The following FBXL13 variants were observed in gnomAD, a reference collection of about 807,000 sequenced individuals.
FBXL13 encodes the protein F-box and leucine rich repeat protein 13, also known as F-box and leucine-rich repeat protein 13.
FBXL13 carries 67 observed loss-of-function variants against 83.6 expected under a neutral mutation model. The observed-to-expected ratio is 0.80, with a 90% CI of 0.66 to 0.98. FBXL13 has a LOEUF of 0.98. Ranked by LOEUF, FBXL13 falls within the 50% of genes least tolerant of loss-of-function variation. FBXL13 has a pLI of 0.00. For synonymous variants in FBXL13, 272 were observed against 299.5 expected (o/e 0.91, Z 0.95); for missense variants, 822 against 866.5 (o/e 0.95, Z 0.64).
intron 2 of FBXL13, among the ~76,000 whole-genome samples, chr7:103,045,154 C>G (rs1439061177): frequency 6.6e-6 from 1 of 152,216 alleles, no homozygotes; most frequent in Admixed American, 6.5e-5. Flanking sequence ...AGGTACACAA[C>G]AGCTGGACTG....
intron 17 of FBXL13, among the ~76,000 whole-genome samples, chr7:102,834,129 AGAAAG>A (rs1475173288): frequency 7.7e-5 from 8 of 104,392 alleles, no homozygotes; most frequent in African/African-American, 3.2e-4. Flanking sequence ...AAAGAAAGAA[AGAAAG>A]AAAGAAAAGA....
At chr7:103,003,095 TTTAA>T (rs148932493) in intron 6 of FBXL13, among the ~76,000 whole-genome samples, 38 of 152,204 alleles carry the variant, frequency 2.5e-4, no homozygotes, top group African/African-American at 8.4e-4. Context: ...CTTTTCTTTC[TTTAA>T]TTCTTTCTTT....
chr7:102,998,631 T>C (rs945023251), intron 6 of FBXL13, among the ~76,000 whole-genome samples: 6 of 152,270 alleles, frequency 3.9e-5, no homozygotes, highest in South Asian at 4.1e-4. Flanking sequence ...AATTTGATTA[T>C]CAGTTCTAAC....
chr7:102,849,783 A>G (rs770021940), intron 17 of FBXL13, among the ~76,000 whole-genome samples: 5 of 152,020 alleles, frequency 3.3e-5, no homozygotes, highest in Non-Finnish European at 5.9e-5. Context: ...TGAATCTTGG[A>G]AGAGGTAAAA....
chr7:102,928,272 A>G (rs1485924542), intron 9 of FBXL13, among the ~76,000 whole-genome samples: 1 of 152,242 alleles, frequency 6.6e-6, no homozygotes, highest in Non-Finnish European at 1.5e-5. Context: ...TAGTACTTAA[A>G]AGAACTCAAG....
intron 8 of FBXL13, chr7:102,936,209 G>A (rs771312388): frequency 1.3e-5 from 2 of 152,200 alleles, no homozygotes; most frequent in African/African-American, 4.8e-5. Flanking sequence ...CTAGGCTCCA[G>A]GTACCCACAC....
At chr7:103,050,774 G>A (rs1425708108) in intron 2 of FBXL13, among the ~76,000 whole-genome samples, 1 of 152,192 alleles carries the variant, frequency 6.6e-6, no homozygotes, top group Non-Finnish European at 1.5e-5. Flanking sequence ...CAGCTCTCAA[G>A]TTTCCCCTTT....
At chr7:103,051,732 G>A (rs1796836482) in intron 2 of FBXL13, among the ~76,000 whole-genome samples, 1 of 152,210 alleles carries the variant, frequency 6.6e-6, no homozygotes, top group Non-Finnish European at 1.5e-5. Flanking sequence ...CAGCCACCTG[G>A]TGGAAGATTT....
At chr7:102,915,072 C>G (rs759271167) in intron 10 of FBXL13, among the ~76,000 whole-genome samples, 3 of 152,080 alleles carry the variant, frequency 2.0e-5, no homozygotes, top group Non-Finnish European at 4.4e-5. Context: ...ACTGCAACCT[C>G]CCTAATCTCT....
At chr7:102,968,170 T>G (rs1826197953) in intron 6 of FBXL13, 53 bp from the exon 8 acceptor site, 5 of 1,236,162 alleles carry the variant, frequency 4.0e-6, no homozygotes, top group Admixed American at 1.7e-5. Flanking sequence ...TTGATGTAAC[T>G]TGTCCACTTA....
intron 1 of FBXL13, among the ~76,000 whole-genome samples, chr7:103,067,420 T>C (rs1163028927): frequency 6.6e-6 from 1 of 152,208 alleles, no homozygotes; most frequent in Non-Finnish European, 1.5e-5. Flanking sequence ...TTAATTCCTC[T>C]CCTCTTGAAT....
At chr7:103,013,673 C>G (rs1391943835) in intron 6 of FBXL13, among the ~76,000 whole-genome samples, 2 of 151,996 alleles carry the variant, frequency 1.3e-5, no homozygotes, top group Non-Finnish European at 2.9e-5. Context: ...ACACCCACAT[C>G]AAAAAGTTAG....
At chr7:102,956,238 T>A (rs951070017) in intron 8 of FBXL13, among the ~76,000 whole-genome samples, 4 of 152,104 alleles carry the variant, frequency 2.6e-5, no homozygotes, top group African/African-American at 9.6e-5. Flanking sequence ...CATATGCAAA[T>A]CAATAAACGT....
chr7:102,878,352 G>C, exon 15 of FBXL13: 1 of 1,605,940 alleles, frequency 6.2e-7, no homozygotes, highest in Non-Finnish European at 8.5e-7. Context: ...TTTCATAACA[G>C]AGGCATCACT....
intron 2 of FBXL13, chr7:103,055,115 T>C: frequency 7.8e-7 from 1 of 1,289,174 alleles, no homozygotes; most frequent in African/African-American, 1.5e-5. Flanking sequence ...CAAAAAGTTG[T>C]TCCAGGTAAG....
chr7:102,968,493 T>C (rs1364388681), intron 6 of FBXL13, among the ~76,000 whole-genome samples: 1 of 152,184 alleles, frequency 6.6e-6, no homozygotes, highest in Non-Finnish European at 1.5e-5. Flanking sequence ...ATCAATACTG[T>C]CTGCTGAACT....
chr7:102,828,258 T>C (rs3893651), intron 18 of FBXL13, among the ~76,000 whole-genome samples: 25,733 of 152,114 alleles, frequency 0.17, 2,241 homozygotes, highest in Middle Eastern at 0.26. Context: ...TTTTATTTCA[T>C]TGAGCAGTGG....
chr7:103,044,615 G>A (rs777167785), intron 2 of FBXL13, among the ~76,000 whole-genome samples: 2 of 152,186 alleles, frequency 1.3e-5, no homozygotes, highest in Non-Finnish European at 2.9e-5. Flanking sequence ...GCTGATTATT[G>A]TTCAAGTTAG....
At chr7:103,040,685 C>T (rs1795579966) in intron 2 of FBXL13, among the ~76,000 whole-genome samples, 1 of 152,152 alleles carries the variant, frequency 6.6e-6, no homozygotes. Context: ...CAAAACTGTA[C>T]AACTACATGG....
Sources: allele counts gnomAD v4.1 joint callset (sites outside exome capture counted in the v4.1 genomes callset), GRCh38; gene constraint gnomAD v4.1.1; transcripts MANE v1.5; gene names NCBI Gene and HGNC (gene_info 2026-07-23, HGNC 2026-07-21).